FSTL5: variants seen among roughly 807,000 people sequenced by gnomAD.
The protein encoded by FSTL5 is follistatin-related protein 5.
FSTL5 carries 62 observed loss-of-function variants against 89.1 expected under a neutral mutation model. That is an observed-to-expected ratio of 0.70 (90% CI 0.57 to 0.86). FSTL5 has a LOEUF of 0.86. Among genes scored for constraint, FSTL5 ranks in the 40% least tolerant of loss-of-function variants. FSTL5 has a pLI of 0.00. For synonymous variants in FSTL5, 383 were observed against 346.2 expected (o/e 1.11, Z -1.18); for missense variants, 1,057 against 1,001.6 (o/e 1.06, Z -0.75).
intron 13 of FSTL5, among the ~76,000 whole-genome samples, chr4:161,480,522 G>T (rs1440223543): frequency 6.6e-6 from 1 of 152,172 alleles, no homozygotes. Context: ...GTTTATTAGA[G>T]ATTGCTTTCT....
intron 6 of FSTL5, among the ~76,000 whole-genome samples, chr4:161,705,995 T>TATATAC (rs1302711727): frequency 2.7e-5 from 1 of 37,536 alleles, no homozygotes; most frequent in African/African-American, 7.9e-5. Context: ...TATATATATA[T>TATATAC]ACACACATCT....
intron 3 of FSTL5, among the ~76,000 whole-genome samples, chr4:161,943,634 C>A (rs1368304982): frequency 2.7e-5 from 4 of 146,636 alleles, no homozygotes; most frequent in East Asian, 2.1e-4. Flanking sequence ...CAGCTCACTG[C>A]AAGCCCCGCC....
chr4:162,152,365 C>T (rs546525637), intron 1 of FSTL5, among the ~76,000 whole-genome samples: 24 of 152,266 alleles, frequency 1.6e-4, no homozygotes, highest in Non-Finnish European at 2.8e-4. Flanking sequence ...AATTCACGCA[C>T]TTCTTTCAAG....
rs910113060 is a variant in FSTL5, at chr4:161,529,318, G to A, written c.1312+8848C>T. On this transcript the variant is annotated intron_variant, in intron 10 of 15. Coordinates refer to ENST00000306100, the MANE Select transcript of FSTL5 (RefSeq NM_020116.5). ...TAGAAGTCACAAGACAGGTATTTTCGGTATGTTCTGGGTAAAAAGATGAAA... is the reference window on the plus strand; with the variant it reads ...TAGAAGTCACAAGACAGGTATTTTCAGTATGTTCTGGGTAAAAAGATGAAA... 2.1e-5 allele frequency among the ~76,000 whole-genome samples: 3 copies of A among 142,450 alleles called. 1 individual carries two copies. The highest frequency in any genetic ancestry group is 7.5e-5 in the African/African-American group (3 of 39,840). 93.5% of individuals were successfully genotyped at this position (142,450 alleles called of 152,430 possible).
At chr4:162,060,497 A>T (rs143426658) in intron 2 of FSTL5, among the ~76,000 whole-genome samples, 1,934 of 152,192 alleles carry the variant, frequency 0.013, 41 homozygotes, top group African/African-American at 0.044. Flanking sequence ...AAACATTTTT[A>T]AAAAACTATT....
intron 13 of FSTL5, among the ~76,000 whole-genome samples, chr4:161,478,806 C>T (rs1191840455): frequency 6.6e-6 from 1 of 151,904 alleles, no homozygotes; most frequent in Non-Finnish European, 1.5e-5. Flanking sequence ...TAGGTAACTA[C>T]AAATACAGAA....
chr4:161,891,830 T>A (rs1001178097), intron 4 of FSTL5, among the ~76,000 whole-genome samples: 2 of 151,998 alleles, frequency 1.3e-5, no homozygotes, highest in Non-Finnish European at 2.9e-5. Context: ...CTATTATAGA[T>A]CTTATAATGC....
At chr4:161,940,905 T>C (rs1309163896) in intron 3 of FSTL5, among the ~76,000 whole-genome samples, 1 of 151,822 alleles carries the variant, frequency 6.6e-6, no homozygotes, top group Non-Finnish European at 1.5e-5. Context: ...CTGAGAGTAG[T>C]AGTTCCCTTT....
At chr4:162,128,391 T>C (rs1002639526) in intron 1 of FSTL5, among the ~76,000 whole-genome samples, 1 of 152,074 alleles carries the variant, frequency 6.6e-6, no homozygotes. Context: ...ATGAGGTGAT[T>C]AGGTCCTGAG....
intron 4 of FSTL5, among the ~76,000 whole-genome samples, chr4:161,856,650 T>TTG (rs535951633): frequency 2.6e-3 from 183 of 70,324 alleles, no homozygotes; most frequent in South Asian, 0.016. Flanking sequence ...ATTTGCATAC[T>TTG]TGTGTGTGTG....
chr4:161,935,999 A>G (rs1030545213), intron 3 of FSTL5, among the ~76,000 whole-genome samples: 2 of 152,148 alleles, frequency 1.3e-5, no homozygotes, highest in Non-Finnish European at 2.9e-5. Flanking sequence ...CCTGGCCAAC[A>G]TGGTGAAACC....
At chr4:161,495,331 T>C (rs1462477468) in intron 12 of FSTL5, 1 of 152,160 alleles carries the variant, frequency 6.6e-6, no homozygotes, top group Non-Finnish European at 1.5e-5. Flanking sequence ...ACAAAGTTGG[T>C]AATCTTGGGA....
chr4:161,490,705 C>T (rs1286247314), intron 12 of FSTL5, among the ~76,000 whole-genome samples: 2 of 152,034 alleles, frequency 1.3e-5, no homozygotes, highest in Non-Finnish European at 2.9e-5. Context: ...ATCAATTTAT[C>T]TTTAAAAACT....
Position 161,510,408 on chromosome 4 carries a change from C to T in FSTL5, c.1329G>A (p.Trp443Ter). Residue 443 changes from tryptophan to a stop codon, truncating the protein, a stop_gained, in exon 11 of 16, where the codon TGG (tryptophan) becomes TGA (stop). Transcript: ENST00000306100. LOFTEE classifies it high-confidence loss of function. ...SARKTLANILWREEGLGIGNM... is the reference protein window; with the variant it reads ...SARKTLANIL ...AATTCAACTTAGTACCTTCTTCTCT[C>T]CATAATATGTTAGCTACTGCAGCAT... The T allele has an allele frequency of 6.5e-7, 1 of 1,533,806 alleles. No homozygotes were observed. The highest frequency in any genetic ancestry group is 1.4e-5 in the African/African-American group (1 of 70,968).
In FSTL5 at chr4:161,705,565, G is replaced by C. The variant is rs73862374; in HGVS notation, c.728-49071C>G. The stretch of plus-strand genomic sequence containing the variant: ...AAGGAAATTTCTTTTTTTCTTTTTT[G>C]CTTAAATACAAAAGATCTTGGTCTG... On this transcript the variant is annotated intron_variant, in intron 6 of 15. Coordinates refer to ENST00000306100, the MANE Select transcript of FSTL5 (RefSeq NM_020116.5). Among the ~76,000 whole-genome samples, 1,176 of 151,328 alleles carry C rather than the reference G, an allele frequency of 7.8e-3. 11 individuals carry two copies. The highest frequency in any genetic ancestry group is 0.025 in the African/African-American group (1,021 of 41,358).
intron 2 of FSTL5, among the ~76,000 whole-genome samples, chr4:162,091,750 T>C (rs1315029259): frequency 6.6e-6 from 1 of 152,140 alleles, no homozygotes; most frequent in Non-Finnish European, 1.5e-5. Context: ...TGTTGCGCTA[T>C]TATTTTCTTT....
At chr4:161,503,051 A>T (rs1370529855) in intron 11 of FSTL5, among the ~76,000 whole-genome samples, 2 of 151,774 alleles carry the variant, frequency 1.3e-5, no homozygotes, top group African/African-American at 2.4e-5. Flanking sequence ...ATTCAGACAG[A>T]TCAGAGGCAA....
chr4:161,861,986 C>A (rs1731931873), intron 4 of FSTL5, among the ~76,000 whole-genome samples: 1 of 152,286 alleles, frequency 6.6e-6, no homozygotes, highest in South Asian at 2.1e-4. Flanking sequence ...CAAGAGACTT[C>A]AGTTTCCCTC....
rs542909940 is a variant in FSTL5 at position 161,716,158 on chromosome 4, A to G, written c.727+43253T>C. 2.6e-5 allele frequency among the ~76,000 whole-genome samples: 4 copies of G among 152,128 alleles called. No homozygotes were observed. The South Asian group carries it at 8.3e-4, about 32-fold the overall frequency. On this transcript the variant is annotated intron_variant, in intron 6 of 15. Coordinates refer to ENST00000306100, the MANE Select transcript of FSTL5 (RefSeq NM_020116.5). ...TTGAATACAGGAAATAGACCCTGCC[A>G]TAGGGATTTCATACTTGTTCTTCTC...
Sources: allele counts gnomAD v4.1 joint callset (sites outside exome capture counted in the v4.1 genomes callset), GRCh38; gene constraint gnomAD v4.1.1; transcripts MANE v1.5; gene names NCBI Gene and HGNC (gene_info 2026-07-23, HGNC 2026-07-21).